ARHGAP10: variants seen among roughly 807,000 people sequenced by gnomAD.
ARHGAP10 encodes rho GTPase-activating protein 10.
In ARHGAP10, 87 loss-of-function variants were observed where a neutral mutation model predicts 108.6. That is an observed-to-expected ratio of 0.80 (90% confidence interval 0.67 to 0.96). The LOEUF is 0.96. Among genes scored for constraint, ARHGAP10 ranks in the 40% least tolerant of loss-of-function variants. ARHGAP10 has a pLI of 0.00. For synonymous variants in ARHGAP10, 347 were observed against 341.1 expected, an observed-to-expected ratio of 1.02 and a Z score of -0.19; for missense variants, 939 against 954.5, an observed-to-expected ratio of 0.98 and a Z score of 0.21.
intron 19 of ARHGAP10, among the ~76,000 whole-genome samples, chr4:148,024,572 T>C (rs1449641231): frequency 6.6e-6 from 1 of 152,234 alleles, no homozygotes; most frequent in Non-Finnish European, 1.5e-5. Flanking sequence ...GTGGGATTCT[T>C]TTATATTGCT....
chr4:147,992,850 A>G (rs1740333125), intron 18 of ARHGAP10, among the ~76,000 whole-genome samples: 1 of 152,184 alleles, frequency 6.6e-6, no homozygotes, highest in African/African-American at 2.4e-5. Flanking sequence ...GGGACTTTCT[A>G]CTTAAATAAT....
At position 148,015,525 on chromosome 4, in the gene ARHGAP10, C is replaced by T. The variant is rs889633911; in HGVS notation, c.1717-7738C>T. ...ATATTTCCAGCCTCAAGCCTGAACC[C>T]GACTGGTATTTTACTGTCAGACCCT... is the stretch of plus-strand genomic sequence containing the variant. On this transcript the variant is annotated intron_variant, in intron 18 of 22. Transcript: ENST00000336498. Among the ~76,000 whole-genome samples, 4 of 152,262 alleles carry T rather than the reference C, an allele frequency of 2.6e-5. No homozygotes were observed. In the East Asian group the frequency reaches 5.8e-4, roughly 22 times the overall value.
At chr4:147,802,346 A>ATTT (rs1377173611) in intron 1 of ARHGAP10, among the ~76,000 whole-genome samples, 2 of 152,234 alleles carry the variant, frequency 1.3e-5, no homozygotes, top group Non-Finnish European at 1.5e-5. Flanking sequence ...AGCTTCTTAA[A>ATTT]AAAGTGATAG....
At chr4:147,869,808 A>AT (rs1734726597) in intron 7 of ARHGAP10, among the ~76,000 whole-genome samples, 2 of 151,824 alleles carry the variant, frequency 1.3e-5, no homozygotes, top group African/African-American at 2.4e-5. Flanking sequence ...CTTTTAGCTA[A>AT]TTTTTTATCA....
intron 18 of ARHGAP10, among the ~76,000 whole-genome samples, chr4:147,991,911 C>G (rs75742953): frequency 0.022 from 3,419 of 152,286 alleles, 70 homozygotes; most frequent in South Asian, 0.093. Flanking sequence ...AGATTCATAG[C>G]CTTTCCTCTT....
At chr4:147,922,043 G>A (rs1262442191) in intron 13 of ARHGAP10, among the ~76,000 whole-genome samples, 1 of 152,034 alleles carries the variant, frequency 6.6e-6, no homozygotes, top group Non-Finnish European at 1.5e-5. Context: ...CTGCACCTCC[G>A]ACATCTCTCA....
At chr4:147,773,040 A>G (rs1013496581) in intron 1 of ARHGAP10, among the ~76,000 whole-genome samples, 1 of 152,208 alleles carries the variant, frequency 6.6e-6, no homozygotes, top group Admixed American at 6.5e-5. Context: ...AGAACACTTT[A>G]TGTACAGAGT....
intron 1 of ARHGAP10, among the ~76,000 whole-genome samples, chr4:147,737,966 C>G (rs1208353614): frequency 6.6e-6 from 1 of 151,454 alleles, no homozygotes; most frequent in Non-Finnish European, 1.5e-5. Flanking sequence ...CTTTCTCTGT[C>G]CTCCCATCTG....
At chr4:148,028,010 G>A (rs796676237) in intron 19 of ARHGAP10, among the ~76,000 whole-genome samples, 82 of 151,964 alleles carry the variant, frequency 5.4e-4, no homozygotes, top group African/African-American at 1.8e-3. Context: ...TGCCACATAC[G>A]GTTTTTCCTT....
chr4:147,953,437 A>G lies in ARHGAP10; in HGVS notation c.1392-1879A>G, dbSNP rs947733958. On this transcript the variant is annotated intron_variant, in intron 15 of 22. Transcript: ENST00000336498. ...GGCAAGATTTTTAACCACAAATTCAATAGGACTACTCAGGTTATCTGTTTC... is the reference window on the plus strand; with the variant it reads ...GGCAAGATTTTTAACCACAAATTCAGTAGGACTACTCAGGTTATCTGTTTC... 1.6e-4 allele frequency among the ~76,000 whole-genome samples: 24 copies of G among 152,066 alleles called. 1 individual carries two copies.
chr4:147,912,003 G>A lies in ARHGAP10; in HGVS notation c.1163-1071G>A, dbSNP rs1258041367. On this transcript the variant is annotated intron_variant, in intron 12 of 22. Transcript: ENST00000336498. Reference sequence around the variant, plus strand: ...AATTTAAGAACATTCACGTGTGTGTGTGTGTGTGTGTGTGTGTGTGTGTGT... The same window carrying A: ...AATTTAAGAACATTCACGTGTGTGTATGTGTGTGTGTGTGTGTGTGTGTGT... 2.3e-3 allele frequency among the ~76,000 whole-genome samples: 49 copies of A among 21,132 alleles called. 1 individual carries two copies. The highest frequency in any genetic ancestry group is 0.05 in the Middle Eastern group (1 of 20). The allele number at this position is 21,132 out of a possible 152,430, so 13.9% of individuals were successfully genotyped here. A position where few individuals can be genotyped will look rare whatever the true frequency, so the allele number is the denominator to read the frequency against.
intron 18 of ARHGAP10, among the ~76,000 whole-genome samples, chr4:148,007,973 A>T (rs552718913): frequency 6.6e-6 from 1 of 152,296 alleles, no homozygotes; most frequent in East Asian, 1.9e-4. Flanking sequence ...TGTCCCAGTC[A>T]ATCAGGACTG....
At chr4:147,748,283 G>A (rs1729013940) in intron 1 of ARHGAP10, among the ~76,000 whole-genome samples, 1 of 152,156 alleles carries the variant, frequency 6.6e-6, no homozygotes, top group East Asian at 1.9e-4. Flanking sequence ...TTGTACTTTG[G>A]CCAGCCTGAA....
chr4:147,746,272 T>G (rs1728918477), intron 1 of ARHGAP10, among the ~76,000 whole-genome samples: 1 of 151,404 alleles, frequency 6.6e-6, no homozygotes, highest in African/African-American at 2.4e-5. Context: ...CCCAGCTAAT[T>G]TTTGTATTTT....
At chr4:147,798,729 CTCTCTCTCTCTCTCT>C (rs1731421685) in intron 1 of ARHGAP10, among the ~76,000 whole-genome samples, 2 of 11,270 alleles carry the variant, frequency 1.8e-4, no homozygotes, top group South Asian at 3.2e-3. Flanking sequence ...GAGACACTCT[CTCTCTCTCTCTCTCT>C]CTCTCTCTCT....
intron 1 of ARHGAP10, among the ~76,000 whole-genome samples, chr4:147,766,579 TATAC>T: frequency 6.8e-6 from 1 of 147,038 alleles, no homozygotes; most frequent in South Asian, 2.3e-4. Flanking sequence ...TGTGTGTATA[TATAC>T]ACATACATAT....
chr4:147,840,974 C>G (rs1022129014), intron 3 of ARHGAP10, among the ~76,000 whole-genome samples: 2 of 152,258 alleles, frequency 1.3e-5, no homozygotes, highest in Non-Finnish European at 2.9e-5. Flanking sequence ...AACAGTGACC[C>G]ATGGGCCTGA....
At chr4:147,900,487 T>G (rs1297298963) in intron 10 of ARHGAP10, among the ~76,000 whole-genome samples, 1 of 152,194 alleles carries the variant, frequency 6.6e-6, no homozygotes, top group Admixed American at 6.5e-5. Flanking sequence ...AAATTTATAC[T>G]TTTGCCTGTG....
intron 3 of ARHGAP10, among the ~76,000 whole-genome samples, chr4:147,836,584 C>T (rs1733178468): frequency 1.3e-5 from 2 of 152,162 alleles, no homozygotes; most frequent in Non-Finnish European, 2.9e-5. Flanking sequence ...AGTTTGAACC[C>T]TGTGGAATTA....
Sources: gnomAD v4.1 joint callset for allele counts (sites outside exome capture counted in the v4.1 genomes callset) on GRCh38, gnomAD v4.1.1 for gene constraint, MANE v1.5 for transcripts, NCBI Gene and HGNC (gene_info 2026-07-23, HGNC 2026-07-21) for gene names.